The following PEX3 variants were observed in gnomAD, a reference collection of about 807,000 sequenced individuals.
The protein encoded by PEX3 is peroxin-3.
A neutral mutation model predicts 55.8 loss-of-function variants in PEX3; 30 were observed. The observed-to-expected ratio is 0.54, with a 90% CI of 0.40 to 0.73. The LOEUF is 0.73. PEX3 is among the 30% of genes least tolerant of loss of function. PEX3 has a pLI of 0.00. For synonymous variants in PEX3, 135 were observed against 148.4 expected, an observed-to-expected ratio of 0.91 and a Z score of 0.66; for missense variants, 351 against 432.8, an observed-to-expected ratio of 0.81 and a Z score of 1.68.
Position 143,485,713 on chromosome 6 carries a change from G to T in PEX3, c.1038+465G>T, listed in dbSNP as rs546243830. ...TCACTAAAAGCCACATAAACAGTGGGTCATTTAAATGTTTTATCAGACTAC... is the reference window on the plus strand; with the variant it reads ...TCACTAAAAGCCACATAAACAGTGGTTCATTTAAATGTTTTATCAGACTAC... On this transcript the variant is annotated intron_variant, in intron 11 of 11. Transcript: ENST00000367591. This position sits in a 1 kb window ranked among gnomAD's most constrained non-coding sequence, Gnocchi z 5.6. 6.6e-6 allele frequency among the ~76,000 whole-genome samples: 1 copy of T among 152,042 alleles called. No individual in the cohort carries two copies. Among genetic ancestry groups the T allele is most frequent in the African/African-American group, 2.4e-5 (1 of 41,416 alleles).
chr6:143,452,566 A>G (rs927442956), intron 1 of PEX3, among the ~76,000 whole-genome samples: 2 of 152,218 alleles, frequency 1.3e-5, no homozygotes, highest in African/African-American at 4.8e-5. Context: ...GTATACTTAA[A>G]CTTATAATTT....
Position 143,488,196 on chromosome 6 carries a change from C to G in PEX3, c.1039-947C>G, listed in dbSNP as rs1360368832. Reference sequence around the variant, plus strand: ...TAAACCTCACTTGGATTTTCCGATACTTAAGAAACAGAGATCACTAGGGAC... The same window carrying G: ...TAAACCTCACTTGGATTTTCCGATAGTTAAGAAACAGAGATCACTAGGGAC... On this transcript the variant is annotated intron_variant, in intron 11 of 11. Transcript: ENST00000367591. The surrounding 1 kb of genome is among the most constrained non-coding windows in gnomAD (Gnocchi z 4.9). Among the ~76,000 whole-genome samples, 2 of 152,004 alleles carry G rather than the reference C, an allele frequency of 1.3e-5. No homozygotes were observed. Among genetic ancestry groups the G allele is most frequent in the Non-Finnish European group, 2.9e-5 (2 of 67,940 alleles).
rs962792342 is a variant in PEX3 at position 143,488,521 on chromosome 6, A to G, written c.1039-622A>G. Among the ~76,000 whole-genome samples, 5 of 152,126 alleles carry G rather than the reference A, an allele frequency of 3.3e-5. No individual in the cohort carries two copies. The highest frequency in any genetic ancestry group is 1.2e-4 in the African/African-American group (5 of 41,450). On this transcript the variant is annotated intron_variant, in intron 11 of 11. Coordinates refer to ENST00000367591, the MANE Select transcript of PEX3 (RefSeq NM_003630.3). The surrounding 1 kb of genome is among the most constrained non-coding windows in gnomAD (Gnocchi z 4.9). ...TGACATGAAAATGCCTATGATTTCT[A>G]TTGAAGACAAAGTCATACAACCTGC...
rs1780366739 is a variant in PEX3, at chr6:143,490,085, G to C, written c.*859G>C. The C allele has an allele frequency of 6.6e-6, 1 of 152,106 alleles. No homozygotes were observed. The highest frequency in any genetic ancestry group is 2.4e-5 in the African/African-American group (1 of 41,450). The allele number at this position is 152,106 out of a possible 1,614,324, so 9.4% of individuals were successfully genotyped here. A position where few individuals can be genotyped will look rare whatever the true frequency, so the allele number is the denominator to read the frequency against. ...GCATTTTTGTTATTATTTCGGAAGAGAGAGCATGCTAGTTTAAGTTTCATT... is the reference window on the plus strand; with the variant it reads ...GCATTTTTGTTATTATTTCGGAAGACAGAGCATGCTAGTTTAAGTTTCATT... On this transcript the variant is annotated 3_prime_UTR_variant, in exon 12 of 12. Coordinates refer to ENST00000367591, the MANE Select transcript of PEX3 (RefSeq NM_003630.3). This position sits in a 1 kb window ranked among gnomAD's most constrained non-coding sequence, Gnocchi z 6.0.
At position 143,490,558 on chromosome 6, in the gene PEX3, A is replaced by G. The variant is rs886061138; in HGVS notation, c.*1332A>G. The G allele has an allele frequency of 3.9e-5, 21 of 539,394 alleles. No individual in the cohort carries two copies. The Admixed American group carries it at 5.9e-4, about 15-fold the overall frequency. 33.4% of individuals were successfully genotyped at this position (539,394 alleles called of 1,614,324 possible). A position where few individuals can be genotyped will look rare whatever the true frequency, so the allele number is the denominator to read the frequency against. ...TATGCTAATCTTGGCAAATCTGCCA[A>G]GCATGTCTTCACCAAGGGATATGGA... is the stretch of plus-strand genomic sequence containing the variant. On this transcript the variant is annotated 3_prime_UTR_variant, in exon 12 of 12. Transcript: ENST00000367591. The surrounding 1 kb of genome is among the most constrained non-coding windows in gnomAD (Gnocchi z 6.0).
chr6:143,469,511 T>C (rs1289679399), intron 4 of PEX3, among the ~76,000 whole-genome samples: 1 of 152,216 alleles, frequency 6.6e-6, no homozygotes, highest in Non-Finnish European at 1.5e-5. Context: ...TTGCCCACTT[T>C]TTGATGGGGT....
chr6:143,472,447 A>G (rs1780087643), intron 8 of PEX3, 119 bp downstream of exon 8: 1 of 722,102 alleles, frequency 1.4e-6, no homozygotes, highest in African/African-American at 1.8e-5. Context: ...CATATATTTC[A>G]GTAATTGAAG....
At position 143,460,767 on chromosome 6, in the gene PEX3, G is replaced by A. The variant is rs543876606; in HGVS notation, c.205+1551G>A. Among the ~76,000 whole-genome samples the A allele has an allele frequency of 2.0e-5, 3 of 151,988 alleles. No homozygotes were observed. In the East Asian group the frequency reaches 5.8e-4, roughly 29 times the overall value. ...TAATCCCAACTACTTGGGAGGCTGA[G>A]GCAGGAGAATCACTTGAACCTGTTA... On this transcript the variant is annotated intron_variant, in intron 2 of 11. Transcript: ENST00000367591.
Position 143,468,106 on chromosome 6 carries a change from A to G in PEX3, c.288-16A>G, listed in dbSNP as rs751990126. ...TCTAGATTATTATTTTCATATTTTTAAATTTTGTTCTTTAGGCCTTCAAAC... is the reference window on the plus strand; with the variant it reads ...TCTAGATTATTATTTTCATATTTTTGAATTTTGTTCTTTAGGCCTTCAAAC... On this transcript the variant is annotated splice_polypyrimidine_tract_variant and intron_variant, in intron 3 of 11. Coordinates refer to ENST00000367591, the MANE Select transcript of PEX3 (RefSeq NM_003630.3). 4 of 1,384,438 alleles carry G rather than the reference A, an allele frequency of 2.9e-6. No homozygotes were observed. Among genetic ancestry groups the G allele is most frequent in the Non-Finnish European group, 4.1e-6 (4 of 977,102 alleles). 85.8% of individuals were successfully genotyped at this position (1,384,438 alleles called of 1,614,324 possible).
At chr6:143,470,314 CTTT>C (rs533457922) in intron 4 of PEX3, among the ~76,000 whole-genome samples, 126 of 152,266 alleles carry the variant, frequency 8.3e-4, no homozygotes, top group Non-Finnish European at 1.5e-3. Context: ...CTCCCTCACG[CTTT>C]GATGTACTAC....
At chr6:143,460,728 G>C (rs1779906310) in intron 2 of PEX3, among the ~76,000 whole-genome samples, 1 of 152,030 alleles carries the variant, frequency 6.6e-6, no homozygotes, top group Admixed American at 6.6e-5. Flanking sequence ...GCCGGGCGTG[G>C]TGTTGCATGC....
chr6:143,478,855 A>G (rs773156813), intron 9 of PEX3, among the ~76,000 whole-genome samples: 1 of 152,140 alleles, frequency 6.6e-6, no homozygotes, highest in Non-Finnish European at 1.5e-5. Context: ...CAAAGTGCTG[A>G]CTAGTATAAA....
At position 143,454,604 on chromosome 6, in the gene PEX3, G is replaced by A. The variant is rs1409760177; in HGVS notation, c.73+3489G>A. ...TCTGGAAATACAAAGGAATAAGACA[G>A]ATCCTGACTTTGAACTCATGGTACA... is the stretch of plus-strand genomic sequence containing the variant. On this transcript the variant is annotated intron_variant, in intron 1 of 11. Coordinates refer to ENST00000367591, the MANE Select transcript of PEX3 (RefSeq NM_003630.3). The surrounding 1 kb of genome is among the most constrained non-coding windows in gnomAD (Gnocchi z 4.3). Among the ~76,000 whole-genome samples, 2 of 152,202 alleles carry A rather than the reference G, an allele frequency of 1.3e-5. No homozygotes were observed. Among genetic ancestry groups the A allele is most frequent in the Non-Finnish European group, 2.9e-5 (2 of 68,036 alleles).
Position 143,485,020 on chromosome 6 carries a change from G to T in PEX3, c.942-132G>T, listed in dbSNP as rs191715839. 4 of 684,916 alleles carry T rather than the reference G, an allele frequency of 5.8e-6. No individual in the cohort carries two copies. The highest frequency in any genetic ancestry group is 4.8e-5 in the South Asian group (3 of 61,926). The allele number at this position is 684,916 out of a possible 1,614,324, so 42.4% of individuals were successfully genotyped here. The stretch of plus-strand genomic sequence containing the variant: ...GTTGTTATTTCTAAGCGATAGAATT[G>T]TGGGGTTTTTTTTCCTTTTTAATAG... On this transcript the variant is annotated intron_variant, in intron 10 of 11. Coordinates refer to ENST00000367591, the MANE Select transcript of PEX3 (RefSeq NM_003630.3). The surrounding 1 kb of genome is among the most constrained non-coding windows in gnomAD (Gnocchi z 5.6).
Position 143,451,189 on chromosome 6 carries a change from C to T in PEX3, c.73+74C>T, listed in dbSNP as rs568144393. The T allele has an allele frequency of 5.9e-5, 63 of 1,064,442 alleles. No individual in the cohort carries two copies. The South Asian group carries it at 7.0e-4, about 12-fold the overall frequency. 65.9% of individuals were successfully genotyped at this position (1,064,442 alleles called of 1,614,324 possible). The stretch of plus-strand genomic sequence containing the variant: ...GAGGTGACTTCTTCTAAAATAAGGA[C>T]AGGCCGGGCGATCCTAGTCTGGGAT... On this transcript the variant is annotated intron_variant, in intron 1 of 11. Coordinates refer to ENST00000367591, the MANE Select transcript of PEX3 (RefSeq NM_003630.3). This position sits in a 1 kb window ranked among gnomAD's most constrained non-coding sequence, Gnocchi z 4.1.
At position 143,454,985 on chromosome 6, in the gene PEX3, A is replaced by G. The variant is rs994477218; in HGVS notation, c.73+3870A>G. ...GTATTGGTGCTTGCTAGAGTTTACTATGGATAAAAAAATCACTTAGGGAGC... is the reference window on the plus strand; with the variant it reads ...GTATTGGTGCTTGCTAGAGTTTACTGTGGATAAAAAAATCACTTAGGGAGC... On this transcript the variant is annotated intron_variant, in intron 1 of 11. Coordinates refer to ENST00000367591, the MANE Select transcript of PEX3 (RefSeq NM_003630.3). This position sits in a 1 kb window ranked among gnomAD's most constrained non-coding sequence, Gnocchi z 4.3. Among the ~76,000 whole-genome samples the G allele has an allele frequency of 6.6e-6, 1 of 152,182 alleles. No homozygotes were observed. Among genetic ancestry groups the G allele is most frequent in the African/African-American group, 2.4e-5 (1 of 41,420 alleles).
rs1293715501 is a variant in PEX3, at chr6:143,483,852, T to C, written c.942-1300T>C. 6.6e-6 allele frequency among the ~76,000 whole-genome samples: 1 copy of C among 152,020 alleles called. No individual in the cohort carries two copies. The highest frequency in any genetic ancestry group is 1.5e-5 in the Non-Finnish European group (1 of 67,994). On this transcript the variant is annotated intron_variant, in intron 10 of 11. Coordinates refer to ENST00000367591, the MANE Select transcript of PEX3 (RefSeq NM_003630.3). This position sits in a 1 kb window ranked among gnomAD's most constrained non-coding sequence, Gnocchi z 4.3. ...TACAGTGCATAAGATAGACATGGTG[T>C]GTAACCTCATGGAGCTTGCATGATA... is the stretch of plus-strand genomic sequence containing the variant.
chr6:143,489,208 T>C lies in PEX3; in HGVS notation c.1104T>C (p.Pro368=). The C allele has an allele frequency of 1.3e-6, 2 of 1,597,652 alleles. No homozygotes were observed. Among genetic ancestry groups the C allele is most frequent in the Non-Finnish European group, 1.7e-6 (2 of 1,165,240 alleles). The stretch of plus-strand genomic sequence containing the variant: ...ATGTGTATGAAGCTTTTAGTACCCC[T>C]CAGCAACTGGAGAAATGATTTTTCC... ...AANVYEAFST[P]QQLEK is the part of the protein sequence containing the mutation. The change falls in exon 12 of 12, where the codon CCT becomes CCC. Residue 368 remains proline, a synonymous_variant. Transcript: ENST00000367591. The surrounding 1 kb of genome is among the most constrained non-coding windows in gnomAD (Gnocchi z 5.5).
rs1490662597 is a variant in PEX3, at chr6:143,487,563, ACT to A, written c.1039-1579_1039-1578del. Reference sequence around the variant, plus strand: ...CTTTTTCGTAACTCAAAACCAAAGCACTTTTATTGTCAAGTAGAATCTAAATT... The same window carrying A: ...CTTTTTCGTAACTCAAAACCAAAGCATTTATTGTCAAGTAGAATCTAAATT... On this transcript the variant is annotated intron_variant, in intron 11 of 11. Transcript: ENST00000367591. This position sits in a 1 kb window ranked among gnomAD's most constrained non-coding sequence, Gnocchi z 5.3. Among the ~76,000 whole-genome samples the A allele has an allele frequency of 6.6e-6, 1 of 152,148 alleles. No individual in the cohort carries two copies. Among genetic ancestry groups the A allele is most frequent in the Non-Finnish European group, 1.5e-5 (1 of 68,000 alleles).
Sources: allele counts gnomAD v4.1 joint callset (sites outside exome capture counted in the v4.1 genomes callset), GRCh38; gene constraint gnomAD v4.1.1; non-coding constraint Gnocchi (gnomAD v3.1); transcripts MANE v1.5; gene names NCBI Gene and HGNC (gene_info 2026-07-23, HGNC 2026-07-21).